The following CHRM3 variants were observed in gnomAD, a reference collection of about 807,000 sequenced individuals.
CHRM3 encodes the protein muscarinic acetylcholine receptor M3.
CHRM3 carries 11 observed loss-of-function variants against 41.8 expected under a neutral mutation model. The ratio of observed to expected loss-of-function variants is 0.26; its 90% confidence interval spans 0.17 to 0.44. The LOEUF (loss-of-function observed/expected upper bound fraction) is 0.44. Ranked by LOEUF, CHRM3 falls within the 20% of genes least tolerant of loss-of-function variation. The probability of loss-of-function intolerance (pLI) is 1.00; values close to 1 mark genes in which losing one functional copy is unlikely to be tolerated. For missense variants in CHRM3, 571 were observed against 745.4 expected, an observed-to-expected ratio of 0.77 and a Z score of 2.72; for synonymous variants, 297 against 301.4, an observed-to-expected ratio of 0.99 and a Z score of 0.15.
chr1:239,390,599 C>CTT (rs11316805), intron 1 of CHRM3, among the ~76,000 whole-genome samples: 29 of 139,738 alleles, frequency 2.1e-4, no homozygotes, highest in African/African-American at 5.8e-4. Flanking sequence ...GCTTCCCTCA[C>CTT]TTTTTTTTTT....
At chr1:239,666,280 C>A (rs1276725074) in intron 4 of CHRM3, among the ~76,000 whole-genome samples, 5 of 151,770 alleles carry the variant, frequency 3.3e-5, no homozygotes, top group African/African-American at 9.7e-5. Context: ...CTGTAACCTC[C>A]ATCTCCCAGG....
intron 1 of CHRM3, among the ~76,000 whole-genome samples, chr1:239,431,819 A>G (rs776105887): frequency 3.3e-5 from 5 of 152,166 alleles, no homozygotes; most frequent in Non-Finnish European, 7.3e-5. Flanking sequence ...CGAATCCTAA[A>G]CTAATGTTAT....
rs924920490 is a variant in CHRM3, at chr1:239,865,926, G to A, written c.-20+38548G>A. On this transcript the variant is annotated intron_variant, in intron 6 of 6. Coordinates refer to ENST00000676153, the MANE Select transcript of CHRM3 (RefSeq NM_001375978.1). Reference sequence around the variant, plus strand: ...CCCAGGACAGAGTAGGGAGGGGTGCGGGTGCAGGCAGGGAAAGAGCACTTG... The same window carrying A: ...CCCAGGACAGAGTAGGGAGGGGTGCAGGTGCAGGCAGGGAAAGAGCACTTG... 2.0e-5 allele frequency among the ~76,000 whole-genome samples: 3 copies of A among 152,230 alleles called. No individual in the cohort carries two copies. The South Asian group carries it at 6.2e-4, about 32-fold the overall frequency.
chr1:239,459,237 C>T (rs981165170), intron 1 of CHRM3, among the ~76,000 whole-genome samples: 6 of 151,832 alleles, frequency 4.0e-5, no homozygotes, highest in African/African-American at 4.8e-5. Flanking sequence ...AATCAAGTAC[C>T]TATTTTCAAA....
At position 239,517,444 on chromosome 1, in the gene CHRM3, T is replaced by C. The variant is rs866480070; in HGVS notation, c.-422+24637T>C. Among the ~76,000 whole-genome samples, 2 of 152,358 alleles carry C rather than the reference T, an allele frequency of 1.3e-5. 1 individual carries two copies. Among genetic ancestry groups the C allele is most frequent in the Middle Eastern group, 6.8e-3 (2 of 294 alleles). The stretch of plus-strand genomic sequence containing the variant: ...ACTTCTCAAACCTCACTTTCCCATT[T>C]ATTTTACATCACTTGCCATTCCTAT... On this transcript the variant is annotated intron_variant, in intron 2 of 6. Transcript: ENST00000676153.
At chr1:239,877,185 T>A (rs1677175128) in intron 6 of CHRM3, among the ~76,000 whole-genome samples, 1 of 152,200 alleles carries the variant, frequency 6.6e-6, no homozygotes, top group African/African-American at 2.4e-5. Context: ...TAGTGAATCA[T>A]CCCTTTGGAA....
intron 3 of CHRM3, chr1:239,546,689 T>C (rs778963247): frequency 1.3e-5 from 2 of 152,128 alleles, no homozygotes; most frequent in Non-Finnish European, 2.9e-5. Context: ...CCACCAACCA[T>C]AAGGAATTTC....
intron 2 of CHRM3, among the ~76,000 whole-genome samples, chr1:239,542,200 A>G (rs971413979): frequency 1.3e-5 from 2 of 152,188 alleles, no homozygotes; most frequent in African/African-American, 2.4e-5. Context: ...ATACAATATT[A>G]TTATATTATA....
chr1:239,729,332 T>C (rs1408045944), intron 5 of CHRM3, among the ~76,000 whole-genome samples: 2 of 151,988 alleles, frequency 1.3e-5, no homozygotes, highest in South Asian at 2.1e-4. Context: ...ATGGTTGTGA[T>C]GAAGGGAAAA....
At chr1:239,553,127 A>T (rs776967377) in intron 3 of CHRM3, among the ~76,000 whole-genome samples, 1 of 152,124 alleles carries the variant, frequency 6.6e-6, no homozygotes, top group Non-Finnish European at 1.5e-5. Flanking sequence ...ACATATGTGT[A>T]TGACCTAAAT....
intron 1 of CHRM3, among the ~76,000 whole-genome samples, chr1:239,477,050 A>G (rs1444324189): frequency 6.6e-6 from 1 of 152,220 alleles, no homozygotes; most frequent in Non-Finnish European, 1.5e-5. Context: ...CATGTGCAAA[A>G]TTGCTGAGCT....
intron 3 of CHRM3, among the ~76,000 whole-genome samples, chr1:239,559,743 C>T (rs1182342646): frequency 3.3e-5 from 5 of 152,066 alleles, no homozygotes; most frequent in Non-Finnish European, 2.9e-5. Flanking sequence ...ATACATAGTG[C>T]GTTAATTGTA....
intron 2 of CHRM3, among the ~76,000 whole-genome samples, chr1:239,516,240 T>C (rs1463414457): frequency 2.0e-5 from 3 of 152,214 alleles, no homozygotes; most frequent in Non-Finnish European, 1.5e-5. Flanking sequence ...TAAGCAATTA[T>C]GCAAACACAT....
intron 3 of CHRM3, among the ~76,000 whole-genome samples, chr1:239,592,772 G>A (rs1572833350): frequency 6.6e-6 from 1 of 151,986 alleles, no homozygotes; most frequent in Non-Finnish European, 1.5e-5. Context: ...GGACTATTTT[G>A]AATAACGTGG....
chr1:239,616,375 T>G (rs1001424048), intron 3 of CHRM3, among the ~76,000 whole-genome samples: 4 of 152,334 alleles, frequency 2.6e-5, no homozygotes, highest in Non-Finnish European at 5.9e-5. Flanking sequence ...TTTGCAAACA[T>G]ATTTTTAATT....
chr1:239,822,715 A>C (rs2149052841), intron 5 of CHRM3, among the ~76,000 whole-genome samples: 1 of 152,338 alleles, frequency 6.6e-6, no homozygotes, highest in African/African-American at 2.4e-5. Flanking sequence ...TGCAAAGCAA[A>C]GAATATAATT....
At chr1:239,417,464 C>T (rs919708791) in intron 1 of CHRM3, among the ~76,000 whole-genome samples, 5 of 151,496 alleles carry the variant, frequency 3.3e-5, no homozygotes, top group Non-Finnish European at 7.4e-5. Context: ...CGGTTAACTT[C>T]GTTATGAACA....
intron 5 of CHRM3, among the ~76,000 whole-genome samples, chr1:239,685,343 T>C (rs1011306494): frequency 6.6e-6 from 1 of 152,214 alleles, no homozygotes; most frequent in African/African-American, 2.4e-5. Context: ...AGCAAGTACT[T>C]CTTAAATATC....
chr1:239,640,670 G>A (rs1671030677), intron 4 of CHRM3, among the ~76,000 whole-genome samples: 1 of 149,240 alleles, frequency 6.7e-6, no homozygotes, highest in African/African-American at 2.5e-5. Flanking sequence ...TTCTTTATTA[G>A]TCTTGCTAGC....
Sources: gnomAD v4.1 joint callset for allele counts (sites outside exome capture counted in the v4.1 genomes callset) on GRCh38, gnomAD v4.1.1 for gene constraint, MANE v1.5 for transcripts, NCBI Gene and HGNC (gene_info 2026-07-23, HGNC 2026-07-21) for gene names.